ESR1: variants seen among roughly 807,000 people sequenced by gnomAD.
ESR1 encodes the protein estrogen receptor 1.
ESR1 carries 12 observed loss-of-function variants against 52.7 expected under a neutral mutation model. The ratio of observed to expected loss-of-function variants is 0.23; its 90% CI spans 0.15 to 0.37. The LOEUF is 0.37. Ranked by LOEUF, ESR1 falls within the 10% of genes least tolerant of loss-of-function variation. The pLI is 1.00. For missense variants in ESR1, 584 were observed against 779.7 expected (o/e 0.75, Z 2.99); for synonymous variants, 305 against 316.8 (o/e 0.96, Z 0.39).
intron 5 of ESR1, among the ~76,000 whole-genome samples, chr6:152,032,844 G>A (rs1001711958): frequency 5.3e-5 from 8 of 152,250 alleles, no homozygotes; most frequent in African/African-American, 1.9e-4. Context: ...TCAATCATAA[G>A]CCAAAAGAAC....
exon 7 of ESR1, chr6:152,125,817 AAAGATC>A (rs748594783): frequency 4.1e-4 from 63 of 153,080 alleles, no homozygotes; most frequent in Non-Finnish European, 7.6e-4. Flanking sequence ...CAATTAGGTC[AAAGATC>A]AAGATCAAAA....
chr6:152,030,376 C>G (rs1225141637), intron 5 of ESR1, among the ~76,000 whole-genome samples: 1 of 151,972 alleles, frequency 6.6e-6, no homozygotes, highest in East Asian at 1.9e-4. Flanking sequence ...CATCAGCGTG[C>G]TGTATTCAGG....
At chr6:152,006,045 T>C (rs555650534) in intron 4 of ESR1, among the ~76,000 whole-genome samples, 1 of 152,120 alleles carries the variant, frequency 6.6e-6, no homozygotes, top group South Asian at 2.1e-4. Context: ...CACCTCCTTA[T>C]TATGGCAGGG....
intron 5 of ESR1, among the ~76,000 whole-genome samples, chr6:152,054,031 G>T (rs948003237): frequency 6.6e-6 from 1 of 151,738 alleles, no homozygotes; most frequent in African/African-American, 2.4e-5. Context: ...AAAAGATGAG[G>T]TATATTTTAA....
At chr6:152,003,974 G>C (rs1010053692) in intron 4 of ESR1, among the ~76,000 whole-genome samples, 1 of 151,900 alleles carries the variant, frequency 6.6e-6, no homozygotes, top group African/African-American at 2.4e-5. Context: ...TTAAAGTAAA[G>C]AACAATTTCT....
At chr6:151,751,093 A>G (rs1466521930) in intron 2 of ESR1, among the ~76,000 whole-genome samples, 1 of 152,228 alleles carries the variant, frequency 6.6e-6, no homozygotes, top group Non-Finnish European at 1.5e-5. Context: ...TCAGCTTGGC[A>G]TCAGCATTAG....
At chr6:151,763,741 G>A (rs532510957) in intron 2 of ESR1, among the ~76,000 whole-genome samples, 2 of 152,242 alleles carry the variant, frequency 1.3e-5, no homozygotes, top group African/African-American at 4.8e-5. Context: ...TTTCTAAGAC[G>A]AATCAACATT....
intron 2 of ESR1, among the ~76,000 whole-genome samples, chr6:151,788,131 G>C (rs2128128802): frequency 6.6e-6 from 1 of 152,244 alleles, no homozygotes; most frequent in East Asian, 1.9e-4. Flanking sequence ...ATACTAAAGA[G>C]CTTCTATATA....
At chr6:151,747,804 G>A (rs982664762) in intron 2 of ESR1, among the ~76,000 whole-genome samples, 3 of 152,164 alleles carry the variant, frequency 2.0e-5, no homozygotes, top group Non-Finnish European at 4.4e-5. Flanking sequence ...ATTGCAGCAT[G>A]TATCAGTACT....
chr6:152,091,114 T>C (rs2050145741), intron 6 of ESR1, among the ~76,000 whole-genome samples: 1 of 152,196 alleles, frequency 6.6e-6, no homozygotes, highest in African/African-American at 2.4e-5. Context: ...AGAGACCACC[T>C]GGGATATGGA....
upstream of ESR1, among the ~76,000 whole-genome samples, chr6:151,802,101 A>G (rs941605325): frequency 2.0e-4 from 30 of 152,232 alleles, no homozygotes; most frequent in African/African-American, 6.8e-4. Flanking sequence ...TCCATCTGTC[A>G]AATTCATCAA....
At chr6:151,816,330 A>G (rs1441360874) in intron 1 of ESR1, among the ~76,000 whole-genome samples, 2 of 152,186 alleles carry the variant, frequency 1.3e-5, no homozygotes, top group Admixed American at 1.3e-4. Flanking sequence ...GCCAGCAGCT[A>G]TATTTCTATT....
In ESR1 at chr6:152,096,815, C is replaced by T. The variant is rs9341058; in HGVS notation, c.1554-1917C>T. 459 of 356,860 alleles carry T rather than the reference C, an allele frequency of 1.3e-3. 4 individuals carry two copies. The highest frequency in any genetic ancestry group is 8.8e-3 in the African/African-American group (418 of 47,594). 22.1% of individuals were successfully genotyped at this position (356,860 alleles called of 1,614,324 possible). On this transcript the variant is annotated intron_variant, in intron 7 of 7. Transcript: ENST00000206249. ...CATGAGTGGATTAGATGCCAAAATC[C>T]CTGGCTGAGAGAATAACCTTACCCT...
At chr6:151,878,948 C>G (rs1792316125) in intron 2 of ESR1, among the ~76,000 whole-genome samples, 1 of 152,100 alleles carries the variant, frequency 6.6e-6, no homozygotes, top group Non-Finnish European at 1.5e-5. Context: ...GACATATGTA[C>G]CAGGAGCTCA....
chr6:152,023,946 GGGTCATA>G (rs1422451751), intron 5 of ESR1, among the ~76,000 whole-genome samples: 1 of 151,958 alleles, frequency 6.6e-6, no homozygotes, highest in Non-Finnish European at 1.5e-5. Context: ...ACATATGTTG[GGGTCATA>G]GAAAGAGTTT....
At chr6:151,685,776 A>C (rs851990), upstream of ESR1, among the ~76,000 whole-genome samples, 61,842 of 151,016 alleles carry the variant, frequency 0.41, 13,292 homozygotes, top group Non-Finnish European at 0.47. Context: ...TCTAATAGAA[A>C]ATTTTTCATA....
At chr6:151,894,547 T>A (rs891867999) in intron 3 of ESR1, among the ~76,000 whole-genome samples, 1 of 152,216 alleles carries the variant, frequency 6.6e-6, no homozygotes, top group Non-Finnish European at 1.5e-5. Context: ...TTGATCCATC[T>A]TGAGTTGATT....
chr6:152,079,747 A>T (rs1342349606), intron 6 of ESR1, among the ~76,000 whole-genome samples: 1 of 152,234 alleles, frequency 6.6e-6, no homozygotes, highest in Non-Finnish European at 1.5e-5. Context: ...ACCTTGAAAA[A>T]AGGTTAGATG....
chr6:151,830,720 T>C (rs1782268180), intron 1 of ESR1, among the ~76,000 whole-genome samples: 1 of 152,178 alleles, frequency 6.6e-6, no homozygotes, highest in Admixed American at 6.6e-5. Flanking sequence ...TTAGGGAACT[T>C]TTTCCAGTCT....
Sources: allele counts gnomAD v4.1 joint callset (sites outside exome capture counted in the v4.1 genomes callset), GRCh38; gene constraint gnomAD v4.1.1; transcripts MANE v1.5; gene names NCBI Gene and HGNC (gene_info 2026-07-23, HGNC 2026-07-21).